Variants in ADARB2 observed in about 807,000 individuals in gnomAD.
ADARB2 encodes the protein adenosine deaminase RNA specific B2 (inactive).
In ADARB2, 25 loss-of-function variants were observed where a neutral mutation model predicts 62.2. That is an observed-to-expected ratio of 0.40 (90% CI 0.29 to 0.56). The LOEUF is 0.56. ADARB2 is among the 20% of genes least tolerant of loss of function. ADARB2 has a pLI of 0.43. For synonymous variants in ADARB2, 572 were observed against 500.8 expected (o/e 1.14, Z -1.90); for missense variants, 1,071 against 1,077.4 (o/e 0.99, Z 0.08).
At position 1,179,318 on chromosome 10, in the gene ADARB2, T is replaced by C. The variant is rs1836633400; in HGVS notation, c.*3875A>G. ...CTTTGAAAAGGAACCCAGCTTGATG[T>C]TTCTGAGGAACAGGACTCATCACAA... On this transcript the variant is annotated 3_prime_UTR_variant, in exon 10 of 10. Transcript: ENST00000381312. The C allele has an allele frequency of 6.6e-6, 1 of 152,248 alleles. No individual in the cohort carries two copies. The highest frequency in any genetic ancestry group is 1.5e-5 in the Non-Finnish European group (1 of 68,052). The allele number at this position is 152,248 out of a possible 1,614,324, so 9.4% of individuals were successfully genotyped here. A position where few individuals can be genotyped will look rare whatever the true frequency, so the allele number is the denominator to read the frequency against.
At chr10:1,678,290 C>T (rs1834492995) in intron 1 of ADARB2, 52 of 985,090 alleles carry the variant, frequency 5.3e-5, no homozygotes, top group Non-Finnish European at 5.9e-5. Flanking sequence ...TGAGCGTCCT[C>T]GGGGTGAGCA....
chr10:1,266,684 G>T (rs1190543640), intron 4 of ADARB2, among the ~76,000 whole-genome samples: 1 of 152,254 alleles, frequency 6.6e-6, no homozygotes, highest in Non-Finnish European at 1.5e-5. Flanking sequence ...TCACAAGTGT[G>T]TGTATTCAGA....
intron 1 of ADARB2, among the ~76,000 whole-genome samples, chr10:1,523,353 G>A (rs567657954): frequency 2.6e-5 from 4 of 152,322 alleles, no homozygotes; most frequent in East Asian, 3.9e-4. Flanking sequence ...ACCCCACTGT[G>A]TTACAGATCA....
chr10:1,710,657 A>G (rs1319606316), intron 1 of ADARB2, among the ~76,000 whole-genome samples: 21 of 152,190 alleles, frequency 1.4e-4, no homozygotes. Flanking sequence ...TTCACACCAC[A>G]CTACCATCAG....
At chr10:1,646,013 T>C (rs1462924533) in intron 1 of ADARB2, among the ~76,000 whole-genome samples, 3 of 152,072 alleles carry the variant, frequency 2.0e-5, no homozygotes, top group Non-Finnish European at 2.9e-5. Context: ...AGAGTGGTGT[T>C]AGGAGACGTG....
At position 1,689,046 on chromosome 10, in the gene ADARB2, G is replaced by A. The variant is rs115901359; in HGVS notation, c.100+48005C>T. Among the ~76,000 whole-genome samples, 553 of 152,288 alleles carry A rather than the reference G, an allele frequency of 3.6e-3. 6 individuals are homozygous for A. Among genetic ancestry groups the A allele is most frequent in the African/African-American group, 0.013 (528 of 41,546 alleles). On this transcript the variant is annotated intron_variant, in intron 1 of 9. Coordinates refer to ENST00000381312, the MANE Select transcript of ADARB2 (RefSeq NM_018702.4). ...GGGTAAGAAGAATTTCCCAAGACAG[G>A]TGCCAGCAAAGAAAGGCAGATTTGT...
At chr10:1,651,307 G>A (rs572198924) in intron 1 of ADARB2, among the ~76,000 whole-genome samples, 5 of 152,236 alleles carry the variant, frequency 3.3e-5, no homozygotes, top group African/African-American at 7.2e-5. Flanking sequence ...GCCCTGGCTC[G>A]GCGAAGGCCC....
At chr10:1,576,144 G>GCATCAAGATCGGAA (rs1833017030) in intron 1 of ADARB2, among the ~76,000 whole-genome samples, 1 of 124,660 alleles carries the variant, frequency 8.0e-6, no homozygotes, top group Non-Finnish European at 1.7e-5. Context: ...CACAAGAGGG[G>GCATCAAGATCGGAA]GGTCCACGGT....
At chr10:1,608,037 A>G (rs1050968173) in intron 1 of ADARB2, among the ~76,000 whole-genome samples, 1 of 152,194 alleles carries the variant, frequency 6.6e-6, no homozygotes, top group African/African-American at 2.4e-5. Context: ...ATCCACTGGA[A>G]ACTGACGTAG....
At chr10:1,254,113 T>G (rs1831059823) in intron 4 of ADARB2, among the ~76,000 whole-genome samples, 2 of 151,056 alleles carry the variant, frequency 1.3e-5, no homozygotes, top group Admixed American at 1.3e-4. Flanking sequence ...TGCAGTTGAC[T>G]CTGGTTAGGA....
intron 8 of ADARB2, among the ~76,000 whole-genome samples, chr10:1,197,248 C>T (rs944309733): frequency 4.6e-5 from 7 of 152,100 alleles, no homozygotes; most frequent in African/African-American, 1.7e-4. Context: ...ATAGAATTTT[C>T]CTCAACTTAG....
intron 1 of ADARB2, among the ~76,000 whole-genome samples, chr10:1,607,552 C>T (rs917593990): frequency 2.6e-5 from 4 of 152,018 alleles, no homozygotes; most frequent in Admixed American, 6.5e-5. Context: ...CACCAGCTAC[C>T]GAAGCCCTAT....
At chr10:1,390,481 C>T (rs758089390) in intron 1 of ADARB2, among the ~76,000 whole-genome samples, 6 of 152,030 alleles carry the variant, frequency 3.9e-5, no homozygotes, top group Non-Finnish European at 7.4e-5. Context: ...CAATTAAAAA[C>T]CAAAAATCAT....
In ADARB2 at chr10:1,481,684, C is replaced by T. The variant is rs371270790; in HGVS notation, c.101-102524G>A. ...CCAGCCTGGCCAACATGGTGAAACCCCATCTCTACTAAAAATACAAAAATT... is the reference window on the plus strand; with the variant it reads ...CCAGCCTGGCCAACATGGTGAAACCTCATCTCTACTAAAAATACAAAAATT... On this transcript the variant is annotated intron_variant, in intron 1 of 9. Coordinates refer to ENST00000381312, the MANE Select transcript of ADARB2 (RefSeq NM_018702.4). Among the ~76,000 whole-genome samples, 414 of 152,046 alleles carry T rather than the reference C, an allele frequency of 2.7e-3. 1 individual carries two copies. The highest frequency in any genetic ancestry group is 3.9e-3 in the Non-Finnish European group (265 of 67,986).
intron 1 of ADARB2, among the ~76,000 whole-genome samples, chr10:1,498,840 T>TATTCACCTCTTACTCACTCATC (rs1234797007): frequency 1.3e-5 from 2 of 151,820 alleles, no homozygotes; most frequent in African/African-American, 2.4e-5. Context: ...ACTCACTCAT[T>TATTCACCTCTTACTCACTCATC]ATTCACCTCT....
At chr10:1,718,627 A>G (rs1015817360) in intron 1 of ADARB2, among the ~76,000 whole-genome samples, 1 of 152,090 alleles carries the variant, frequency 6.6e-6, no homozygotes, top group Admixed American at 6.5e-5. Flanking sequence ...TAGAGATTGC[A>G]GCTGGCAACA....
intron 1 of ADARB2, among the ~76,000 whole-genome samples, chr10:1,453,306 T>C (rs988978984): frequency 2.6e-5 from 4 of 152,250 alleles, no homozygotes; most frequent in African/African-American, 9.6e-5. Context: ...TTTTGTTTCT[T>C]GAGCTTTTGG....
chr10:1,685,024 A>G (rs1435792093), intron 1 of ADARB2, among the ~76,000 whole-genome samples: 4 of 147,754 alleles, frequency 2.7e-5, no homozygotes, highest in African/African-American at 9.8e-5. Context: ...ATCCTTGCTC[A>G]TGGGTGGGTG....
intron 4 of ADARB2, among the ~76,000 whole-genome samples, chr10:1,254,063 G>A (rs7080673): frequency 0.01 from 1,533 of 152,018 alleles, 25 homozygotes; most frequent in African/African-American, 0.035. Context: ...TCGGCTCTGT[G>A]GTTAGGATGT....
Sources: gnomAD v4.1 joint callset for allele counts (sites outside exome capture counted in the v4.1 genomes callset) on GRCh38, gnomAD v4.1.1 for gene constraint, MANE v1.5 for transcripts, NCBI Gene and HGNC (gene_info 2026-07-23, HGNC 2026-07-21) for gene names.